The following SMYD3 variants were observed in gnomAD, a reference collection of about 807,000 sequenced individuals.
SMYD3 encodes histone-lysine N-methyltransferase SMYD3.
In SMYD3, 36 loss-of-function variants were observed where a neutral mutation model predicts 57.7. That is an observed-to-expected ratio of 0.62 (90% CI 0.48 to 0.82). The LOEUF is 0.82. Among genes scored for constraint, SMYD3 ranks in the 40% least tolerant of loss-of-function variants. The pLI is 0.00. For missense variants in SMYD3, 515 were observed against 538.8 expected (o/e 0.96, Z 0.44); for synonymous variants, 211 against 195.0 (o/e 1.08, Z -0.68).
chr1:245,916,306 G>A (rs1009193069), intron 7 of SMYD3, among the ~76,000 whole-genome samples: 1 of 152,098 alleles, frequency 6.6e-6, no homozygotes, highest in Non-Finnish European at 1.5e-5. Context: ...TAAATGAGAG[G>A]ATATATTTAA....
At chr1:246,259,413 T>C (rs1022522288) in intron 5 of SMYD3, among the ~76,000 whole-genome samples, 8 of 151,444 alleles carry the variant, frequency 5.3e-5, no homozygotes, top group African/African-American at 1.9e-4. Flanking sequence ...GTTACTGGGT[T>C]TTTTTTCCTT....
chr1:246,439,201 A>G (rs2067427658), intron 1 of SMYD3, among the ~76,000 whole-genome samples: 1 of 151,856 alleles, frequency 6.6e-6, no homozygotes, highest in African/African-American at 2.4e-5. Flanking sequence ...GGCTCAAGCA[A>G]TCCTCCCATT....
At chr1:246,027,198 G>C (rs1019229061) in intron 5 of SMYD3, among the ~76,000 whole-genome samples, 1 of 152,172 alleles carries the variant, frequency 6.6e-6, no homozygotes, top group Non-Finnish European at 1.5e-5. Flanking sequence ...TGGTTCATGA[G>C]GTTTAAGGAA....
At chr1:246,110,541 C>T (rs901505608) in intron 5 of SMYD3, among the ~76,000 whole-genome samples, 3 of 152,222 alleles carry the variant, frequency 2.0e-5, no homozygotes, top group African/African-American at 7.2e-5. Flanking sequence ...TTGGGGTCAA[C>T]AGCTTAACTC....
In SMYD3 at chr1:246,199,941, A is replaced by G. The variant is rs78055480; in HGVS notation, c.531+127260T>C. On this transcript the variant is annotated intron_variant, in intron 5 of 11. Coordinates refer to ENST00000490107, the MANE Select transcript of SMYD3 (RefSeq NM_001167740.2). The stretch of plus-strand genomic sequence containing the variant: ...AAGAATGTACACAGATGTCCACTGT[A>G]ATAGAGAAGATAGAGGAGAACAGCG... Among the ~76,000 whole-genome samples, 123 of 70,870 alleles carry G rather than the reference A, an allele frequency of 1.7e-3. No individual in the cohort carries two copies. The Middle Eastern group carries it at 0.031, about 18-fold the overall frequency. 46.5% of individuals were successfully genotyped at this position (70,870 alleles called of 152,430 possible).
chr1:246,037,284 T>A (rs1248591700), intron 5 of SMYD3, among the ~76,000 whole-genome samples: 1 of 152,196 alleles, frequency 6.6e-6, no homozygotes, highest in Non-Finnish European at 1.5e-5. Context: ...CAATACAAGG[T>A]GTTAACATTC....
chr1:246,389,913 A>ACT (rs1298856028), intron 1 of SMYD3, among the ~76,000 whole-genome samples: 3 of 152,108 alleles, frequency 2.0e-5, no homozygotes, highest in African/African-American at 7.2e-5. Context: ...TCTACCCTAC[A>ACT]CTCAGCTGCC....
chr1:246,101,063 GGTTTTTTGTTTTTTTTTTTTTTTT>G (rs1392306785), intron 5 of SMYD3, among the ~76,000 whole-genome samples: 3 of 93,006 alleles, frequency 3.2e-5, no homozygotes, highest in Non-Finnish European at 7.7e-5. Flanking sequence ...TATTTTTAGG[GGTTTTTTGTTTTTTTTTTTTTTTT>G]TTTTTTTTTT....
At chr1:246,486,051 A>C (rs1428013007) in intron 1 of SMYD3, among the ~76,000 whole-genome samples, 1 of 152,232 alleles carries the variant, frequency 6.6e-6, no homozygotes, top group Non-Finnish European at 1.5e-5. Flanking sequence ...AAAATGTATC[A>C]TTACTGCTTA....
intron 5 of SMYD3, among the ~76,000 whole-genome samples, chr1:246,183,221 T>C (rs908584547): frequency 2.0e-5 from 3 of 152,114 alleles, no homozygotes; most frequent in Non-Finnish European, 4.4e-5. Flanking sequence ...GAAATCTGCA[T>C]GTAAACGAGG....
intron 5 of SMYD3, among the ~76,000 whole-genome samples, chr1:246,183,181 C>T (rs1362616080): frequency 6.6e-6 from 1 of 151,998 alleles, no homozygotes; most frequent in Non-Finnish European, 1.5e-5. Context: ...AAAAGTATTG[C>T]GAAGTCTGTA....
chr1:246,188,220 G>A (rs915908560), intron 5 of SMYD3, among the ~76,000 whole-genome samples: 2 of 152,072 alleles, frequency 1.3e-5, no homozygotes, highest in African/African-American at 2.4e-5. Context: ...GAAGCAAACA[G>A]ACTGTTCATT....
At chr1:246,166,343 G>A (rs926387963) in intron 5 of SMYD3, among the ~76,000 whole-genome samples, 3 of 152,144 alleles carry the variant, frequency 2.0e-5, no homozygotes, top group Non-Finnish European at 4.4e-5. Context: ...TTCTCTCACC[G>A]GAATCATTTG....
chr1:246,390,849 GCAACAACAA>G (rs373260000), intron 1 of SMYD3, among the ~76,000 whole-genome samples: 3 of 151,792 alleles, frequency 2.0e-5, no homozygotes, highest in African/African-American at 7.3e-5. Context: ...CAGCACTAGA[GCAACAACAA>G]CAACAACAAC....
intron 5 of SMYD3, among the ~76,000 whole-genome samples, chr1:246,078,524 G>A (rs752370699): frequency 4.9e-4 from 74 of 152,210 alleles, no homozygotes; most frequent in Non-Finnish European, 7.5e-4. Flanking sequence ...CCTCCTGCGA[G>A]GATGTGAAGT....
At chr1:246,442,963 C>T (rs2067492699) in intron 1 of SMYD3, among the ~76,000 whole-genome samples, 1 of 152,178 alleles carries the variant, frequency 6.6e-6, no homozygotes. Flanking sequence ...ACTTCCCTTA[C>T]AGTGCACCAG....
At chr1:245,793,893 C>T (rs910312176) in intron 10 of SMYD3, among the ~76,000 whole-genome samples, 2 of 152,140 alleles carry the variant, frequency 1.3e-5, no homozygotes, top group African/African-American at 4.8e-5. Context: ...GTTAACCCAG[C>T]TTTCCTCTGA....
intron 5 of SMYD3, among the ~76,000 whole-genome samples, chr1:246,060,275 G>A (rs750855785): frequency 7.9e-5 from 12 of 151,820 alleles, no homozygotes; most frequent in Admixed American, 2.0e-4. Flanking sequence ...GCAACAGAGC[G>A]AGACTGTCTC....
At chr1:246,438,236 C>T (rs1311767985) in intron 1 of SMYD3, among the ~76,000 whole-genome samples, 1 of 152,222 alleles carries the variant, frequency 6.6e-6, no homozygotes. Context: ...TGAGATCCAA[C>T]TCCCTTTTGC....
Sources: allele counts gnomAD v4.1 joint callset (sites outside exome capture counted in the v4.1 genomes callset), GRCh38; gene constraint gnomAD v4.1.1; transcripts MANE v1.5; gene names NCBI Gene and HGNC (gene_info 2026-07-23, HGNC 2026-07-21).